RICTOR: variants seen among roughly 807,000 people sequenced by gnomAD.
RICTOR encodes rapamycin-insensitive companion of mTOR.
A neutral mutation model predicts 214.9 loss-of-function variants in RICTOR; 49 were observed. The ratio of observed to expected loss-of-function variants is 0.23; its 90% CI spans 0.18 to 0.29. RICTOR has a LOEUF of 0.29. Among genes scored for constraint, RICTOR ranks in the 10% least tolerant of loss-of-function variants. RICTOR has a pLI of 1.00. For missense variants in RICTOR, 1,625 were observed against 2,047.0 expected (o/e 0.79, Z 3.98); for synonymous variants, 717 against 711.3 (o/e 1.01, Z -0.13).
At chr5:39,039,259 C>T (rs961272154) in intron 2 of RICTOR, among the ~76,000 whole-genome samples, 2 of 152,006 alleles carry the variant, frequency 1.3e-5, no homozygotes, top group African/African-American at 4.8e-5. Flanking sequence ...AACTGGCTAG[C>T]CATATGTAGA....
At chr5:39,020,336 AAG>A (rs1458977917) in intron 3 of RICTOR, among the ~76,000 whole-genome samples, 1 of 152,192 alleles carries the variant, frequency 6.6e-6, no homozygotes, top group East Asian at 1.9e-4. Flanking sequence ...TCGTGACAGG[AAG>A]AGTCAATGCG....
chr5:39,047,978 A>G (rs1033143942), intron 2 of RICTOR, among the ~76,000 whole-genome samples: 4 of 152,262 alleles, frequency 2.6e-5, no homozygotes, highest in African/African-American at 9.6e-5. Flanking sequence ...TGCCCCAGAA[A>G]TAGTTTGTCA....
chr5:39,072,686 G>A (rs1291128155), intron 2 of RICTOR, among the ~76,000 whole-genome samples: 1 of 152,128 alleles, frequency 6.6e-6, no homozygotes, highest in Admixed American at 6.5e-5. Context: ...TTTCCAAACA[G>A]TTGCACAGAA....
intron 16 of RICTOR, among the ~76,000 whole-genome samples, chr5:38,964,049 T>C (rs900732905): frequency 6.6e-6 from 1 of 151,808 alleles, no homozygotes; most frequent in Non-Finnish European, 1.5e-5. Context: ...AAATACATAG[T>C]TTTGAATAGC....
intron 10 of RICTOR, among the ~76,000 whole-genome samples, chr5:38,974,810 A>AT (rs1395571755): frequency 6.6e-6 from 1 of 152,206 alleles, no homozygotes; most frequent in Non-Finnish European, 1.5e-5. Flanking sequence ...TGGAGTAAAC[A>AT]TTTGTATGGA....
chr5:38,954,133 A>G (rs964753176), intron 27 of RICTOR, among the ~76,000 whole-genome samples: 1 of 151,902 alleles, frequency 6.6e-6, no homozygotes, highest in Non-Finnish European at 1.5e-5. Context: ...ATACTGATAC[A>G]ATCGGGAACT....
chr5:38,984,049 T>C (rs1390781714), intron 7 of RICTOR, among the ~76,000 whole-genome samples: 1 of 12,494 alleles, frequency 8.0e-5, no homozygotes, highest in African/African-American at 1.6e-4. Context: ...AAGAATTACC[T>C]GTTTTTTTTT....
In RICTOR at chr5:38,967,328, A is replaced by T. The variant is rs775555102; in HGVS notation, c.1151+9T>A. On this transcript the variant is annotated intron_variant, in intron 13 of 37. Transcript: ENST00000357387. Reference sequence around the variant, plus strand: ...AATAAATTGAAACCCTTTTTATTTTAAATTCTACCTGGATCTGGCACGATG... The same window carrying T: ...AATAAATTGAAACCCTTTTTATTTTTAATTCTACCTGGATCTGGCACGATG... 1.2e-6 allele frequency: 2 copies of T among 1,609,590 alleles called. No individual in the cohort carries two copies. The highest frequency in any genetic ancestry group is 4.5e-5 in the East Asian group (2 of 44,856).
rs532397861 is a variant in RICTOR, at chr5:39,062,997, T to G, written c.97+11114A>C. Reference sequence around the variant, plus strand: ...AGATCAGAAAATCTGGTGATTTTAGTGTAGAACAAAATAAAAACACCACCC... The same window carrying G: ...AGATCAGAAAATCTGGTGATTTTAGGGTAGAACAAAATAAAAACACCACCC... On this transcript the variant is annotated intron_variant, in intron 2 of 37. Coordinates refer to ENST00000357387, the MANE Select transcript of RICTOR (RefSeq NM_152756.5). 1.1e-4 allele frequency among the ~76,000 whole-genome samples: 17 copies of G among 152,266 alleles called. No homozygotes were observed. The East Asian group carries it at 3.3e-3, about 29-fold the overall frequency.
At chr5:39,063,962 T>C (rs1758727567) in intron 2 of RICTOR, among the ~76,000 whole-genome samples, 1 of 152,232 alleles carries the variant, frequency 6.6e-6, no homozygotes. Context: ...CATTAGAATA[T>C]CCTCAATTTT....
At chr5:39,073,998 C>A (rs1759525977) in intron 2 of RICTOR, 113 bp downstream of exon 2, 3 of 647,104 alleles carry the variant, frequency 4.6e-6, no homozygotes, top group Non-Finnish European at 4.2e-6. Flanking sequence ...CGGCTCTGGC[C>A]CCCGCACCCC....
Position 38,945,352 on chromosome 5 carries a change from C to T in RICTOR, c.4633+139G>A, listed in dbSNP as rs1748072140. On this transcript the variant is annotated intron_variant, in intron 34 of 37. Coordinates refer to ENST00000357387, the MANE Select transcript of RICTOR (RefSeq NM_152756.5). ...TGAGAGGATCAGCATCTCAGCATAA[C>T]ATAATTTGGCATATCAGTGTGCTGC... 5 of 639,946 alleles carry T rather than the reference C, an allele frequency of 7.8e-6. No individual in the cohort carries two copies. In the Admixed American group the frequency reaches 1.5e-4, roughly 19 times the overall value. 39.6% of individuals were successfully genotyped at this position (639,946 alleles called of 1,614,324 possible). A position where few individuals can be genotyped will look rare whatever the true frequency, so the allele number is the denominator to read the frequency against.
intron 6 of RICTOR, among the ~76,000 whole-genome samples, chr5:38,992,243 A>G (rs966810516): frequency 6.6e-6 from 1 of 152,182 alleles, no homozygotes; most frequent in Non-Finnish European, 1.5e-5. Flanking sequence ...TTTTCAATTA[A>G]CTGAAAAAGG....
rs1250859522 is a variant in RICTOR at position 38,950,572 on chromosome 5, T to C, written c.3276A>G (p.Lys1092=). The part of the protein sequence containing the change: ...KNSFPFFASS[K]LVKNRILNSL... Reference sequence around the variant, plus strand: ...AATTTAAGATACGATTCTTCACAAGTTTACTAGAAGCAAAGAAAGGGAATG... The same window carrying C: ...AATTTAAGATACGATTCTTCACAAGCTTACTAGAAGCAAAGAAAGGGAATG... The change falls in exon 31 of 38, where the codon AAA becomes AAG. Residue 1092 remains lysine, a synonymous_variant. Coordinates refer to ENST00000357387, the MANE Select transcript of RICTOR (RefSeq NM_152756.5). 1.2e-6 allele frequency: 2 copies of C among 1,613,174 alleles called. No individual in the cohort carries two copies. The highest frequency in any genetic ancestry group is 1.7e-6 in the Non-Finnish European group (2 of 1,179,536).
At chr5:39,072,122 A>G (rs941235928) in intron 2 of RICTOR, among the ~76,000 whole-genome samples, 1 of 151,744 alleles carries the variant, frequency 6.6e-6, no homozygotes, top group African/African-American at 2.4e-5. Context: ...ACAATCCCTC[A>G]CTCTTTATTT....
At chr5:39,027,745 TTAAA>T (rs1199499626) in intron 2 of RICTOR, among the ~76,000 whole-genome samples, 1 of 152,174 alleles carries the variant, frequency 6.6e-6, no homozygotes, top group Non-Finnish European at 1.5e-5. Context: ...CATATCAGTG[TTAAA>T]TATTTTTCTA....
At position 38,988,873 on chromosome 5, in the gene RICTOR, C is replaced by T. The variant is rs996990753; in HGVS notation, c.583+2076G>A. Among the ~76,000 whole-genome samples the T allele has an allele frequency of 2.0e-5, 3 of 152,130 alleles. No homozygotes were observed. In the South Asian group the frequency reaches 6.2e-4, roughly 32 times the overall value. On this transcript the variant is annotated intron_variant, in intron 7 of 37. Coordinates refer to ENST00000357387, the MANE Select transcript of RICTOR (RefSeq NM_152756.5). ...TCAAGGAAATAAGAGAGAACACAAACAAATGGAAGAACATTCCATGCTCAT... is the reference window on the plus strand; with the variant it reads ...TCAAGGAAATAAGAGAGAACACAAATAAATGGAAGAACATTCCATGCTCAT...
intron 2 of RICTOR, among the ~76,000 whole-genome samples, chr5:39,071,493 AG>A (rs1489164672): frequency 6.6e-6 from 1 of 152,240 alleles, no homozygotes; most frequent in Admixed American, 6.5e-5. Context: ...TCACTTACAA[AG>A]TATCCGGTCT....
At chr5:39,003,325 C>G (rs1399680677) in intron 4 of RICTOR, among the ~76,000 whole-genome samples, 2 of 152,006 alleles carry the variant, frequency 1.3e-5, no homozygotes, top group East Asian at 1.9e-4. Context: ...TTATAGAAGT[C>G]CAGATATTTT....
Sources: gnomAD v4.1 joint callset for allele counts (sites outside exome capture counted in the v4.1 genomes callset) on GRCh38, gnomAD v4.1.1 for gene constraint, MANE v1.5 for transcripts, NCBI Gene and HGNC (gene_info 2026-07-23, HGNC 2026-07-21) for gene names.